The following MAP2K6 variants were observed in gnomAD, a reference collection of about 807,000 sequenced individuals.
The protein encoded by MAP2K6 is dual specificity mitogen-activated protein kinase kinase 6.
In MAP2K6, 16 loss-of-function variants were observed where a neutral mutation model predicts 53.7. The observed-to-expected ratio is 0.30, with a 90% CI of 0.20 to 0.45. MAP2K6 has a LOEUF of 0.45. Ranked by LOEUF, MAP2K6 falls within the 20% of genes least tolerant of loss-of-function variation. MAP2K6 has a pLI of 1.00. For missense variants in MAP2K6, 204 were observed against 411.9 expected (o/e 0.50, Z 4.37); for synonymous variants, 132 against 143.1 (o/e 0.92, Z 0.55).
intron 1 of MAP2K6, among the ~76,000 whole-genome samples, chr17:69,476,461 A>G (rs1333116462): frequency 6.6e-6 from 1 of 152,210 alleles, no homozygotes; most frequent in African/African-American, 2.4e-5. Flanking sequence ...GTTAAGCTGG[A>G]TGCTTGTGAA....
intron 1 of MAP2K6, among the ~76,000 whole-genome samples, chr17:69,453,643 C>T (rs1167088660): frequency 1.3e-5 from 2 of 152,124 alleles, no homozygotes; most frequent in African/African-American, 2.4e-5. Context: ...ATTTTCTATT[C>T]TTTTTTGGAA....
At chr17:69,469,095 T>C (rs568560485) in intron 1 of MAP2K6, among the ~76,000 whole-genome samples, 1 of 152,286 alleles carries the variant, frequency 6.6e-6, no homozygotes, top group South Asian at 2.1e-4. Context: ...TTTCTTGTAA[T>C]TGTGGAAATG....
At chr17:69,536,049 G>T in intron 10 of MAP2K6, 66 bp from the exon 11 acceptor site, 1 of 1,082,410 alleles carries the variant, frequency 9.2e-7, no homozygotes, top group South Asian at 1.3e-5. Flanking sequence ...TACAGGTTCT[G>T]AAATCCTTGT....
chr17:69,446,621 C>CT (rs1470681665), intron 1 of MAP2K6, among the ~76,000 whole-genome samples: 1 of 152,184 alleles, frequency 6.6e-6, no homozygotes, highest in African/African-American at 2.4e-5. Context: ...AAGTAATTTT[C>CT]TCTGAAGTCA....
chr17:69,474,091 C>A (rs571477736), intron 1 of MAP2K6, among the ~76,000 whole-genome samples: 1 of 152,190 alleles, frequency 6.6e-6, no homozygotes, highest in Non-Finnish European at 1.5e-5. Flanking sequence ...TTGCTTAAGG[C>A]GGCCAGAGTG....
At chr17:69,459,941 T>TCTTC (rs1460210306) in intron 1 of MAP2K6, among the ~76,000 whole-genome samples, 3 of 151,154 alleles carry the variant, frequency 2.0e-5, no homozygotes, top group African/African-American at 7.3e-5. Flanking sequence ...TTCCTCTTTT[T>TCTTC]CTTCCTTCCT....
In MAP2K6 at chr17:69,533,506, G is replaced by A. The variant is rs151082856; in HGVS notation, c.882-2609G>A. Among the ~76,000 whole-genome samples, 25 of 152,242 alleles carry A rather than the reference G, an allele frequency of 1.6e-4. No homozygotes were observed. In the East Asian group the frequency reaches 3.5e-3, roughly 21 times the overall value. On this transcript the variant is annotated intron_variant, in intron 10 of 11. Transcript: ENST00000590474. ...TTGTTGACCAATGAAAGCTAGTAAC[G>A]GAGTGGGCCTGGGTCCTCAGTGAGA...
chr17:69,451,401 G>A (rs1474794508), intron 1 of MAP2K6, among the ~76,000 whole-genome samples: 4 of 152,156 alleles, frequency 2.6e-5, no homozygotes, highest in Admixed American at 2.0e-4. Flanking sequence ...CCCTTGATGC[G>A]ACTCTAAAAA....
intron 1 of MAP2K6, among the ~76,000 whole-genome samples, chr17:69,459,798 T>A (rs1324859202): frequency 2.0e-5 from 3 of 149,092 alleles, no homozygotes; most frequent in South Asian, 2.1e-4. Context: ...AAAAAAAAAA[T>A]TTTGTTTCCT....
rs1394098524 is a variant in MAP2K6 at position 69,418,248 on chromosome 17, G to A, written c.16+3248G>A. Reference sequence around the variant, plus strand: ...TATTAGCATTGCATTCAGTTCTTTAGAGCATGCGGCCTGTTAACTGTAGGG... The same window carrying A: ...TATTAGCATTGCATTCAGTTCTTTAAAGCATGCGGCCTGTTAACTGTAGGG... On this transcript the variant is annotated intron_variant, in intron 1 of 11. Coordinates refer to ENST00000590474, the MANE Select transcript of MAP2K6 (RefSeq NM_002758.4). Among the ~76,000 whole-genome samples the A allele has an allele frequency of 3.3e-5, 5 of 152,274 alleles. No individual in the cohort carries two copies. In the East Asian group the frequency reaches 9.7e-4, roughly 29 times the overall value.
intron 1 of MAP2K6, among the ~76,000 whole-genome samples, chr17:69,472,252 G>A (rs557932597): frequency 3.0e-4 from 46 of 152,024 alleles, no homozygotes; most frequent in African/African-American, 9.7e-4. Context: ...TTACAAGGCC[G>A]CACATGTACC....
At chr17:69,424,812 A>G (rs1225564897) in intron 1 of MAP2K6, among the ~76,000 whole-genome samples, 2 of 152,234 alleles carry the variant, frequency 1.3e-5, no homozygotes, top group Non-Finnish European at 2.9e-5. Flanking sequence ...ATCACAGAGT[A>G]CAGAGTCTGA....
intron 10 of MAP2K6, among the ~76,000 whole-genome samples, chr17:69,532,662 G>A (rs548172284): frequency 6.6e-6 from 1 of 152,134 alleles, no homozygotes; most frequent in Non-Finnish European, 1.5e-5. Flanking sequence ...GTTTTGAAGT[G>A]TTCTTGATTT....
At chr17:69,434,429 G>A (rs1906572236) in intron 1 of MAP2K6, 1 of 152,188 alleles carries the variant, frequency 6.6e-6, no homozygotes, top group African/African-American at 2.4e-5. Context: ...ATGAGGTCAT[G>A]TGAGTGCTGC....
rs187915277 is a variant in MAP2K6, at chr17:69,451,595, A to G, written c.16+36595A>G. Among the ~76,000 whole-genome samples, 139 of 152,312 alleles carry G rather than the reference A, an allele frequency of 9.1e-4. 1 individual carries two copies. The highest frequency in any genetic ancestry group is 1.1e-3 in the Admixed American group (17 of 15,306). On this transcript the variant is annotated intron_variant, in intron 1 of 11. Transcript: ENST00000590474. The stretch of plus-strand genomic sequence containing the variant: ...TTTACTGGGGAGTGTTCTTGGGACC[A>G]GCATTTGAGGGGACGCTAACAAAGC...
chr17:69,524,063 C>G (rs1378143393), intron 8 of MAP2K6, among the ~76,000 whole-genome samples: 4 of 152,046 alleles, frequency 2.6e-5, no homozygotes, highest in African/African-American at 9.7e-5. Flanking sequence ...GGCCCCAATC[C>G]TATTCATTAG....
At chr17:69,524,706 CA>C (rs1220244344) in intron 8 of MAP2K6, among the ~76,000 whole-genome samples, 194 bp from the exon 9 acceptor site, 2 of 152,058 alleles carry the variant, frequency 1.3e-5, no homozygotes, top group Non-Finnish European at 2.9e-5. Flanking sequence ...AAAAGACAAA[CA>C]CAGAAGAAGG....
In MAP2K6 at chr17:69,541,840, A is replaced by G. The variant is rs1235302862; in HGVS notation, c.*87A>G. ...TTCACTACAGCATCAATAGAAAGTC[A>G]TCTTTGAGATAATTTAACCCTGCCT... On this transcript the variant is annotated 3_prime_UTR_variant, in exon 12 of 12. Transcript: ENST00000590474. 3 of 981,570 alleles carry G rather than the reference A, an allele frequency of 3.1e-6. No individual in the cohort carries two copies. Among genetic ancestry groups the G allele is most frequent in the Admixed American group, 2.2e-5 (1 of 45,450 alleles). 60.8% of individuals were successfully genotyped at this position (981,570 alleles called of 1,614,324 possible). A position where few individuals can be genotyped will look rare whatever the true frequency, so the allele number is the denominator to read the frequency against.
intron 2 of MAP2K6, among the ~76,000 whole-genome samples, chr17:69,508,220 T>G (rs1909630326): frequency 7.1e-6 from 1 of 141,070 alleles, no homozygotes; most frequent in South Asian, 2.2e-4. Flanking sequence ...CCCAGCTGAT[T>G]TTTTTTTTTT....
Sources: allele counts gnomAD v4.1 joint callset (sites outside exome capture counted in the v4.1 genomes callset), GRCh38; gene constraint gnomAD v4.1.1; transcripts MANE v1.5; gene names NCBI Gene and HGNC (gene_info 2026-07-23, HGNC 2026-07-21).